The following PHACTR4 variants were observed in gnomAD, a reference collection of about 807,000 sequenced individuals.
PHACTR4 encodes protein phosphatase 1, regulatory subunit 124.
PHACTR4 carries 51 observed loss-of-function variants against 72.7 expected under a neutral mutation model. That is an observed-to-expected ratio of 0.70 (90% confidence interval 0.56 to 0.89). The LOEUF (loss-of-function observed/expected upper bound fraction) is 0.89, where lower values mean the gene tolerates loss of function less well. PHACTR4 is among the 40% of genes least tolerant of loss of function. PHACTR4 has a pLI of 0.00. For missense variants in PHACTR4, 731 were observed against 861.8 expected (o/e 0.85, Z 1.90); for synonymous variants, 255 against 302.5 (o/e 0.84, Z 1.63).
Position 28,461,810 on chromosome 1 carries a change from G to A in PHACTR4, c.271+1518G>A, listed in dbSNP as rs551568588. 2.0e-5 allele frequency among the ~76,000 whole-genome samples: 3 copies of A among 150,674 alleles called. No individual in the cohort carries two copies. In the East Asian group the frequency reaches 5.9e-4, roughly 29 times the overall value. ...CTCCCAAAGTGCTGGGATTACAGGC[G>A]TGAGCTGCTGTGCCCAGGTGCTATG... On this transcript the variant is annotated intron_variant, in intron 4 of 13. Transcript: ENST00000373839.
In PHACTR4 at chr1:28,396,298, G is replaced by A. The variant is rs145562160; in HGVS notation, c.-38-11112G>A. 2.6e-3 allele frequency among the ~76,000 whole-genome samples: 388 copies of A among 151,870 alleles called. 1 individual carries two copies. Among genetic ancestry groups the A allele is most frequent in the African/African-American group, 5.3e-3 (221 of 41,448 alleles). ...TGTAATCCGAGCACTTTGGGAGGTC[G>A]AGGCAGGCGGATCATTTGAGGTCAG... On this transcript the variant is annotated intron_variant, in intron 1 of 13. Coordinates refer to ENST00000373839, the MANE Select transcript of PHACTR4 (RefSeq NM_001048183.3).
chr1:28,488,891 C>T (rs1049086707), intron 9 of PHACTR4, among the ~76,000 whole-genome samples: 4 of 152,176 alleles, frequency 2.6e-5, no homozygotes, highest in South Asian at 2.1e-4. Context: ...CAAGGTCTAA[C>T]TGAACTTTTT....
Position 28,472,785 on chromosome 1 carries a change from T to C in PHACTR4, c.824-769T>C, listed in dbSNP as rs1231310675. Among the ~76,000 whole-genome samples, 5 of 149,734 alleles carry C rather than the reference T, an allele frequency of 3.3e-5. No homozygotes were observed. The East Asian group carries it at 9.9e-4, about 30-fold the overall frequency. On this transcript the variant is annotated intron_variant, in intron 6 of 13. Coordinates refer to ENST00000373839, the MANE Select transcript of PHACTR4 (RefSeq NM_001048183.3). ...CACCTAGCTAATTTTTGTAATTTTT[T>C]TTTTTTTTTTTTAGTAGAGACGGGG...
intron 1 of PHACTR4, among the ~76,000 whole-genome samples, chr1:28,373,683 C>T (rs1442574559): frequency 6.6e-6 from 1 of 152,208 alleles, no homozygotes; most frequent in African/African-American, 2.4e-5. Context: ...ACCTCAGCCT[C>T]CCAAAGTGCT....
At chr1:28,433,248 G>A (rs1656396509) in intron 2 of PHACTR4, among the ~76,000 whole-genome samples, 1 of 151,980 alleles carries the variant, frequency 6.6e-6, no homozygotes, top group Non-Finnish European at 1.5e-5. Context: ...CATAATGCAT[G>A]GAAGACTAAA....
intron 1 of PHACTR4, among the ~76,000 whole-genome samples, chr1:28,384,395 G>A (rs979818826): frequency 6.6e-6 from 1 of 152,084 alleles, no homozygotes; most frequent in African/African-American, 2.4e-5. Flanking sequence ...TCTTGGGAGG[G>A]TGTATGTGTC....
intron 13 of PHACTR4, among the ~76,000 whole-genome samples, chr1:28,495,781 T>G (rs1661311079): frequency 6.6e-6 from 1 of 151,894 alleles, no homozygotes; most frequent in African/African-American, 2.4e-5. Flanking sequence ...CACACCTGGC[T>G]AACTTTTTGA....
chr1:28,463,421 T>C lies in PHACTR4; in HGVS notation c.272-2264T>C, dbSNP rs144081951. Among the ~76,000 whole-genome samples, 173 of 152,310 alleles carry C rather than the reference T, an allele frequency of 1.1e-3. 1 individual carries two copies. Among genetic ancestry groups the C allele is most frequent in the African/African-American group, 4.0e-3 (168 of 41,578 alleles). On this transcript the variant is annotated intron_variant, in intron 4 of 13. Transcript: ENST00000373839. Reference sequence around the variant, plus strand: ...ACATCCCTGATTAAGTAACTTGAGATAACTGATCACTTTTGCATGTATTTC... The same window carrying C: ...ACATCCCTGATTAAGTAACTTGAGACAACTGATCACTTTTGCATGTATTTC...
intron 2 of PHACTR4, among the ~76,000 whole-genome samples, chr1:28,445,688 TG>T (rs916261322): frequency 1.5e-4 from 23 of 152,158 alleles, no homozygotes; most frequent in Admixed American, 5.2e-4. Context: ...GAAGCAGTTT[TG>T]GGGAACGTGA....
intron 6 of PHACTR4, among the ~76,000 whole-genome samples, chr1:28,470,994 C>G (rs986487719): frequency 2.0e-5 from 3 of 151,460 alleles, no homozygotes; most frequent in African/African-American, 7.3e-5. Context: ...CCACTGCACT[C>G]CAGTCTGGGC....
At chr1:28,484,648 CTT>C (rs34334611) in intron 9 of PHACTR4, among the ~76,000 whole-genome samples, 30 of 145,346 alleles carry the variant, frequency 2.1e-4, no homozygotes, top group Middle Eastern at 7.1e-3. Flanking sequence ...TAAACTCTCT[CTT>C]TTTTTTTTTC....
chr1:28,491,470 A>G (rs750958411), intron 11 of PHACTR4, among the ~76,000 whole-genome samples, 180 bp from the exon 12 acceptor site: 1 of 151,714 alleles, frequency 6.6e-6, no homozygotes, highest in Non-Finnish European at 1.5e-5. Flanking sequence ...AAAAAAAAAC[A>G]AAACAAAAAA....
chr1:28,423,707 T>G (rs894552400), intron 2 of PHACTR4, among the ~76,000 whole-genome samples: 1 of 152,216 alleles, frequency 6.6e-6, no homozygotes, highest in Non-Finnish European at 1.5e-5. Context: ...ACCAGTTTAC[T>G]CCTATGTGAC....
In PHACTR4 at chr1:28,484,272, G is replaced by A. The variant is rs538664399; in HGVS notation, c.1760+3668G>A. Among the ~76,000 whole-genome samples, 3 of 152,132 alleles carry A rather than the reference G, an allele frequency of 2.0e-5. No individual in the cohort carries two copies. In the East Asian group the frequency reaches 5.8e-4, roughly 29 times the overall value. ...GGAGGCAGAGGTTTCAGTGAGCTGA[G>A]ATCACACCATGGCACTCCAGTCTGG... On this transcript the variant is annotated intron_variant, in intron 9 of 13. Transcript: ENST00000373839.
chr1:28,384,720 C>T (rs1652433678), intron 1 of PHACTR4, among the ~76,000 whole-genome samples: 1 of 152,042 alleles, frequency 6.6e-6, no homozygotes, highest in Non-Finnish European at 1.5e-5. Flanking sequence ...CATGGCAAAA[C>T]CCCATCTCTA....
intron 2 of PHACTR4, among the ~76,000 whole-genome samples, chr1:28,458,370 G>A (rs1658559358): frequency 6.6e-6 from 1 of 152,000 alleles, no homozygotes; most frequent in Non-Finnish European, 1.5e-5. Context: ...TTGATCTCAA[G>A]CTCCTGAGCT....
At chr1:28,424,171 T>A (rs35744215) in intron 2 of PHACTR4, among the ~76,000 whole-genome samples, 39,422 of 151,974 alleles carry the variant, frequency 0.26, 5,262 homozygotes, top group Middle Eastern at 0.34. Flanking sequence ...GAGCTATTTT[T>A]AAAAATTATT....
At chr1:28,386,337 G>A (rs536935213) in intron 1 of PHACTR4, among the ~76,000 whole-genome samples, 1 of 152,080 alleles carries the variant, frequency 6.6e-6, no homozygotes, top group Admixed American at 6.6e-5. Context: ...CAAGTGATCT[G>A]CCTGCCTCGG....
chr1:28,424,575 G>A (rs1158534763), intron 2 of PHACTR4, among the ~76,000 whole-genome samples: 9 of 151,178 alleles, frequency 6.0e-5, no homozygotes, highest in Non-Finnish European at 1.3e-4. Context: ...TGCAACCTCC[G>A]CCTCCTGGGT....
Sources: gnomAD v4.1 joint callset for allele counts (sites outside exome capture counted in the v4.1 genomes callset) on GRCh38, gnomAD v4.1.1 for gene constraint, MANE v1.5 for transcripts, NCBI Gene and HGNC (gene_info 2026-07-23, HGNC 2026-07-21) for gene names.